GRIK3: variants seen among roughly 807,000 people sequenced by gnomAD.
GRIK3 encodes the protein glutamate receptor ionotropic, kainate 3.
Under a neutral mutation model 102.5 loss-of-function variants are expected in GRIK3, and 29 were observed. That is an observed-to-expected ratio of 0.28 (90% confidence interval 0.21 to 0.39). GRIK3 has a LOEUF of 0.39. GRIK3 is among the 10% of genes least tolerant of loss of function. The pLI, the probability that GRIK3 is intolerant of heterozygous loss-of-function variation, is 1.00. For synonymous variants in GRIK3, 511 were observed against 504.9 expected (o/e 1.01, Z -0.16); for missense variants, 908 against 1,252.4 (o/e 0.73, Z 4.15).
chr1:37,009,498 C>T (rs540911028), intron 1 of GRIK3, among the ~76,000 whole-genome samples: 2 of 152,156 alleles, frequency 1.3e-5, no homozygotes, highest in Non-Finnish European at 2.9e-5. Flanking sequence ...GCATATAAAT[C>T]GCCTTAGAGG....
chr1:36,947,214 C>T (rs1259818189), intron 1 of GRIK3, among the ~76,000 whole-genome samples: 2 of 152,008 alleles, frequency 1.3e-5, no homozygotes, highest in Non-Finnish European at 2.9e-5. Context: ...ACCCAACTCA[C>T]CCTCACATGC....
chr1:36,856,487 A>G (rs1197951909), intron 7 of GRIK3, among the ~76,000 whole-genome samples: 3 of 152,154 alleles, frequency 2.0e-5, no homozygotes, highest in South Asian at 4.1e-4. Flanking sequence ...GGAAATGCCA[A>G]GTCTTTAAAA....
At position 36,850,622 on chromosome 1, in the gene GRIK3, G is replaced by A. The variant is rs1226772593; in HGVS notation, c.1213-198C>T. Among the ~76,000 whole-genome samples, 1 of 152,176 alleles carries A rather than the reference G, an allele frequency of 6.6e-6. No homozygotes were observed. The highest frequency in any genetic ancestry group is 1.5e-5 in the Non-Finnish European group (1 of 68,038). ...CTGCAGCTCTCCCTCCTCTCCTGACGAGGGTCCCAGGGTGTCGAATCTCTG... is the reference window on the plus strand; with the variant it reads ...CTGCAGCTCTCCCTCCTCTCCTGACAAGGGTCCCAGGGTGTCGAATCTCTG... On this transcript the variant is annotated intron_variant, in intron 8 of 15. Transcript: ENST00000373091. This position sits in a 1 kb window ranked among gnomAD's most constrained non-coding sequence, Gnocchi z 4.0.
At chr1:36,877,872 GT>G (rs2124259896) in intron 3 of GRIK3, among the ~76,000 whole-genome samples, 1 of 152,336 alleles carries the variant, frequency 6.6e-6, no homozygotes, top group Non-Finnish European at 1.5e-5. Context: ...CTGACTAAAT[GT>G]ATATGCCATT....
chr1:36,973,586 A>AT (rs35781786), intron 1 of GRIK3, among the ~76,000 whole-genome samples: 30,444 of 141,536 alleles, frequency 0.22, 3,499 homozygotes, highest in African/African-American at 0.3. Flanking sequence ...CGCCCGGCTA[A>AT]TTTTTTTTTT....
rs1251639670 is a variant in GRIK3, at chr1:36,804,992, C to T, written c.2560G>A (p.Glu854Lys). The T allele has an allele frequency of 2.5e-6, 4 of 1,614,196 alleles. No homozygotes were observed. The highest frequency in any genetic ancestry group is 2.2e-5 in the East Asian group (1 of 44,884). ...VYKLRKTAER[E>K]QRSFCSTVAD... is the part of the protein sequence containing the mutation. ...CTCCAAGCTCTAAGGCTTACCTGCT[C>T]TCTCTCTGCTGTTTTGCGGAGCTTG... Residue 854 changes from glutamate (E) to lysine (K), a missense_variant, in exon 15 of 16, where the codon GAG becomes AAG. Glu to Lys is a moderately conservative substitution (Grantham distance 56). This residue lies in a region of GRIK3 where 297 missense variants were observed against 362.7 expected (regional missense o/e 0.82). Transcript: ENST00000373091.
intron 1 of GRIK3, among the ~76,000 whole-genome samples, chr1:36,947,149 GA>G (rs1258309977): frequency 6.6e-6 from 1 of 152,040 alleles, no homozygotes; most frequent in Non-Finnish European, 1.5e-5. Flanking sequence ...AGAAGGGATG[GA>G]CCATCTGCTC....
intron 1 of GRIK3, among the ~76,000 whole-genome samples, chr1:36,908,150 C>T (rs1641306369): frequency 6.6e-6 from 1 of 152,210 alleles, no homozygotes; most frequent in Admixed American, 6.5e-5. Context: ...CTTCCCAACC[C>T]TGCCTTATTC....
In GRIK3 at chr1:36,887,632, T is replaced by G. The variant is rs1210057229; in HGVS notation, c.292+3288A>C. 2.6e-5 allele frequency among the ~76,000 whole-genome samples: 4 copies of G among 151,882 alleles called. No homozygotes were observed. The South Asian group carries it at 8.3e-4, about 32-fold the overall frequency. On this transcript the variant is annotated intron_variant, in intron 2 of 15. Coordinates refer to ENST00000373091, the MANE Select transcript of GRIK3 (RefSeq NM_000831.4). ...TCATTTGGGTGTGGTGGTGGATGCC[T>G]GTAATCCCAGCTACTTGGGAGGCTG...
At chr1:37,000,424 A>G (rs1642464805) in intron 1 of GRIK3, among the ~76,000 whole-genome samples, 1 of 152,204 alleles carries the variant, frequency 6.6e-6, no homozygotes, top group Non-Finnish European at 1.5e-5. Flanking sequence ...TATTAACCCA[A>G]TTTGACAGAG....
Position 36,796,007 on chromosome 1 carries a change from TA to T in GRIK3, c.*5843del, listed in dbSNP as rs751273187. ...CAGTGGTAAGAGGACCCATGATCCC[TA>T]CGGAACCAAGACAGGATGCTCCTCA... On this transcript the variant is annotated 3_prime_UTR_variant, in exon 16 of 16. Transcript: ENST00000373091. 5 of 152,324 alleles carry T rather than the reference TA, an allele frequency of 3.3e-5. No homozygotes were observed. The highest frequency in any genetic ancestry group is 7.3e-5 in the Non-Finnish European group (5 of 68,118). 9.4% of individuals were successfully genotyped at this position (152,324 alleles called of 1,614,324 possible). A position where few individuals can be genotyped will look rare whatever the true frequency, so the allele number is the denominator to read the frequency against.
At chr1:37,027,443 G>A (rs1040594954) in intron 1 of GRIK3, among the ~76,000 whole-genome samples, 7 of 152,124 alleles carry the variant, frequency 4.6e-5, no homozygotes, top group African/African-American at 7.2e-5. Flanking sequence ...TGCTGGGTCA[G>A]GGCCAGGATT....
chr1:36,985,262 T>C (rs964686174), intron 1 of GRIK3, among the ~76,000 whole-genome samples: 1 of 152,130 alleles, frequency 6.6e-6, no homozygotes, highest in African/African-American at 2.4e-5. Context: ...ACTTTGACCC[T>C]GCCTTGCCCC....
Position 36,869,752 on chromosome 1 carries a change from G to C in GRIK3, c.782C>G (p.Thr261Ser). The change falls in exon 5 of 16, where the codon ACT (threonine) becomes AGT (serine). Residue 261 changes from threonine (T) to serine (S), a missense_variant. By Grantham distance (58) the Thr-to-Ser change is moderately conservative (BLOSUM62 1). Coordinates refer to ENST00000373091, the MANE Select transcript of GRIK3 (RefSeq NM_000831.4). ...MTEYYHFIFT[T>S]LDLYALDLEP... ...CAGGACCCAGAGGTACATTACCAGA[G>C]TGGTGAAGATGAAGTGGTAGTACTC... 6.2e-7 allele frequency: 1 copy of C among 1,607,878 alleles called. No homozygotes were observed. Among genetic ancestry groups the C allele is most frequent in the Non-Finnish European group, 8.5e-7 (1 of 1,174,192 alleles).
chr1:37,023,677 A>T (rs969255253), intron 1 of GRIK3, among the ~76,000 whole-genome samples: 10 of 152,348 alleles, frequency 6.6e-5, no homozygotes, highest in East Asian at 1.9e-4. Flanking sequence ...TGTTTATCCC[A>T]GGCTCAGATG....
At chr1:36,958,214 C>T (rs1641948812) in intron 1 of GRIK3, among the ~76,000 whole-genome samples, 2 of 98,136 alleles carry the variant, frequency 2.0e-5, no homozygotes, top group Non-Finnish European at 1.9e-5. Flanking sequence ...TGAGTCTGTG[C>T]CCCGTGAGCC....
At chr1:36,919,605 C>A (rs1393884495) in intron 1 of GRIK3, among the ~76,000 whole-genome samples, 2 of 152,138 alleles carry the variant, frequency 1.3e-5, no homozygotes, top group Non-Finnish European at 2.9e-5. Context: ...ACCCTGCCAG[C>A]CATCTCCTTC....
chr1:36,813,997 T>C (rs893448045), intron 13 of GRIK3, among the ~76,000 whole-genome samples: 1 of 152,150 alleles, frequency 6.6e-6, no homozygotes, highest in Non-Finnish European at 1.5e-5. Flanking sequence ...GGAGTTGTTG[T>C]TTCTGACCCA....
chr1:36,880,077 C>T lies in GRIK3; in HGVS notation c.550+557G>A, dbSNP rs1244569611. ...GCGCTCACTGCATGTCAGTGCTTGT[C>T]ACTGTCATCTTGTAATCCCACATTT... On this transcript the variant is annotated intron_variant, in intron 3 of 15. Transcript: ENST00000373091. This position sits in a 1 kb window ranked among gnomAD's most constrained non-coding sequence, Gnocchi z 5.4. 6.6e-6 allele frequency among the ~76,000 whole-genome samples: 1 copy of T among 152,140 alleles called. No homozygotes were observed. The highest frequency in any genetic ancestry group is 2.4e-5 in the African/African-American group (1 of 41,422).
Sources: gnomAD v4.1 joint callset for allele counts (sites outside exome capture counted in the v4.1 genomes callset) on GRCh38, gnomAD v4.1.1 for gene constraint, gnomAD v4.1.1 regional missense constraint, Gnocchi (gnomAD v3.1) non-coding constraint, MANE v1.5 for transcripts, NCBI Gene and HGNC (gene_info 2026-07-23, HGNC 2026-07-21) for gene names.